RFXAP: variants seen among roughly 807,000 people sequenced by gnomAD.
RFXAP encodes regulatory factor X-associated protein.
Under a neutral mutation model 25.7 loss-of-function variants are expected in RFXAP, and 21 were observed. The ratio of observed to expected loss-of-function variants is 0.82; its 90% confidence interval spans 0.58 to 1.18. The LOEUF (loss-of-function observed/expected upper bound fraction) is 1.18, where lower values mean the gene tolerates loss of function less well. Ranked by LOEUF, RFXAP falls within the 50% of genes most tolerant of loss-of-function variation. The pLI is 0.00. For missense variants in RFXAP, 333 were observed against 363.0 expected (o/e 0.92, Z 0.67); for synonymous variants, 161 against 152.2 (o/e 1.06, Z -0.43).
At chr13:36,826,057 T>C (rs146959639) in intron 2 of RFXAP, among the ~76,000 whole-genome samples, 196 of 152,182 alleles carry the variant, frequency 1.3e-3, no homozygotes, top group African/African-American at 4.3e-3. Context: ...GCTGTAGTCC[T>C]GGCTACTCAA....
intron 2 of RFXAP, 105 bp downstream of exon 2, chr13:36,825,640 CA>C (rs1356972486): frequency 2.9e-6 from 2 of 687,058 alleles, no homozygotes; most frequent in Admixed American, 5.8e-5. Context: ...TCACACTATA[CA>C]TCAAAATAAA....
intron 1 of RFXAP, among the ~76,000 whole-genome samples, chr13:36,825,114 A>C (rs1395775625): frequency 6.6e-6 from 1 of 152,164 alleles, no homozygotes; most frequent in Non-Finnish European, 1.5e-5. Flanking sequence ...ACTCTGCCTC[A>C]ATCTTAGTGG....
Position 36,819,890 on chromosome 13 carries a change from A to G in RFXAP, c.533A>G (p.Lys178Arg). The change falls in exon 1 of 3, where the codon AAG becomes AGG. Residue 178 changes from lysine to arginine, a missense_variant. Physicochemically the swap from Lys to Arg is conservative, Grantham distance 26 (BLOSUM62 2). Transcript: ENST00000255476. ...KMYKDKYKKK[K>R]SDQALNCGGT... ...TACAAGGACAAGTATAAAAAGAAGAAGAGCGACCAGGCCCTGAACTGCGGT... is the reference window on the plus strand; with the variant it reads ...TACAAGGACAAGTATAAAAAGAAGAGGAGCGACCAGGCCCTGAACTGCGGT... 1 of 1,603,448 alleles carries G rather than the reference A, an allele frequency of 6.2e-7. No individual in the cohort carries two copies. The highest frequency in any genetic ancestry group is 8.5e-7 in the Non-Finnish European group (1 of 1,174,364).
Position 36,819,397 on chromosome 13 carries a change from G to A in RFXAP, c.40G>A (p.Ala14Thr). Reference sequence around the variant, plus strand: ...TGTAGCGGAGGGCGCGGGGCCGGGCGCCGCCAGCGGCGTGCCCCACCCCGC... The same window carrying A: ...TGTAGCGGAGGGCGCGGGGCCGGGCACCGCCAGCGGCGTGCCCCACCCCGC... ...QGVAEGAGPG[A>T]ASGVPHPAAL... The change falls in exon 1 of 3, where the codon GCC becomes ACC. Residue 14 changes from alanine to threonine, a missense_variant. Transcript: ENST00000255476. 4 of 1,301,184 alleles carry A rather than the reference G, an allele frequency of 3.1e-6. No individual in the cohort carries two copies. The highest frequency in any genetic ancestry group is 2.9e-6 in the Non-Finnish European group (3 of 1,030,700). 80.6% of individuals were successfully genotyped at this position (1,301,184 alleles called of 1,614,324 possible).
At chr13:36,820,321 CT>C (rs2057957863) in intron 1 of RFXAP, among the ~76,000 whole-genome samples, 1 of 152,136 alleles carries the variant, frequency 6.6e-6, no homozygotes. Context: ...AAAGTCATCT[CT>C]TTCTGTTTTC....
At chr13:36,826,669 T>A (rs2057978891) in intron 2 of RFXAP, among the ~76,000 whole-genome samples, 1 of 152,170 alleles carries the variant, frequency 6.6e-6, no homozygotes, top group Admixed American at 6.5e-5. Flanking sequence ...TGAAACAGCC[T>A]AAATGTCCAA....
rs1320172546 is a variant in RFXAP, at chr13:36,819,475, G to T, written c.118G>T (p.Ala40Ser). The T allele has an allele frequency of 1.3e-5, 19 of 1,518,772 alleles. No individual in the cohort carries two copies. Among genetic ancestry groups the T allele is most frequent in the Non-Finnish European group, 1.7e-5 (19 of 1,132,828 alleles). 94.1% of individuals were successfully genotyped at this position (1,518,772 alleles called of 1,614,324 possible). Residue 40 changes from alanine (A) to serine (S), a missense_variant, in exon 1 of 3, where the codon GCG (alanine) becomes TCG (serine). Ala to Ser is a moderately conservative substitution (Grantham distance 99). Coordinates refer to ENST00000255476, the MANE Select transcript of RFXAP (RefSeq NM_000538.4). ...PTLAPASVAA[A>S]ASQFTLLVMQ... ...CTTGGCGCCAGCCTCGGTGGCGGCC[G>T]CGGCCTCTCAATTCACCCTGCTAGT...
At chr13:36,821,043 A>G (rs2057960218) in intron 1 of RFXAP, among the ~76,000 whole-genome samples, 1 of 151,782 alleles carries the variant, frequency 6.6e-6, no homozygotes, top group Non-Finnish European at 1.5e-5. Flanking sequence ...GAAAAATTTA[A>G]TTTTGTTACA....
chr13:36,827,548 G>C (rs2057982088), intron 2 of RFXAP, 95 bp from the exon 3 acceptor site: 1 of 862,918 alleles, frequency 1.2e-6, no homozygotes, highest in African/African-American at 1.7e-5. Flanking sequence ...TGAACATATT[G>C]TATCATATGT....
Position 36,828,924 on chromosome 13 carries a change from T to G in RFXAP, c.*1171T>G, listed in dbSNP as rs1279046710. The G allele has an allele frequency of 1.3e-5, 2 of 152,230 alleles. No individual in the cohort carries two copies. The highest frequency in any genetic ancestry group is 4.8e-5 in the African/African-American group (2 of 41,466). 9.4% of individuals were successfully genotyped at this position (152,230 alleles called of 1,614,324 possible). A position where few individuals can be genotyped will look rare whatever the true frequency, so the allele number is the denominator to read the frequency against. On this transcript the variant is annotated 3_prime_UTR_variant, in exon 3 of 3. Coordinates refer to ENST00000255476, the MANE Select transcript of RFXAP (RefSeq NM_000538.4). ...GTCTCAAGTTTAACTCTACAAAAAT[T>G]TGTTACTTGTTTTTTAAACTCTATA...
intron 1 of RFXAP, 137 bp downstream of exon 1, chr13:36,820,094 AGAGT>A: frequency 7.8e-7 from 1 of 1,290,078 alleles, no homozygotes; most frequent in Non-Finnish European, 1.1e-6. Context: ...GTTGAGAATT[AGAGT>A]GTTTGCCCTA....
intron 1 of RFXAP, 42 bp from the exon 2 acceptor site, chr13:36,825,386 C>G (rs373333634): frequency 8.1e-6 from 11 of 1,350,258 alleles, no homozygotes; most frequent in South Asian, 1.2e-5. Flanking sequence ...TGACTTATTA[C>G]GTTAACTGTT....
At chr13:36,823,142 A>C (rs917043669) in intron 1 of RFXAP, among the ~76,000 whole-genome samples, 1 of 152,220 alleles carries the variant, frequency 6.6e-6, no homozygotes, top group African/African-American at 2.4e-5. Context: ...AGGCACAGAG[A>C]GGCTAAAGAA....
At chr13:36,822,885 TATA>T (rs555251256) in intron 1 of RFXAP, among the ~76,000 whole-genome samples, 74 of 152,324 alleles carry the variant, frequency 4.9e-4, no homozygotes, top group African/African-American at 1.7e-3. Flanking sequence ...CCAGCCAGGA[TATA>T]ATAAGAGCCA....
chr13:36,819,333 T>C lies in RFXAP; in HGVS notation c.-25T>C. ...AGCAGGTGCTAAAAGCCCGGGGTCGTGGACCCCGGCCAGGTCTTAGCAGCA... is the reference window on the plus strand; with the variant it reads ...AGCAGGTGCTAAAAGCCCGGGGTCGCGGACCCCGGCCAGGTCTTAGCAGCA... On this transcript the variant is annotated 5_prime_UTR_variant, in exon 1 of 3. Transcript: ENST00000255476. 3.2e-6 allele frequency: 4 copies of C among 1,251,418 alleles called. No homozygotes were observed. The highest frequency in any genetic ancestry group is 3.1e-5 in the East Asian group (1 of 32,032). 77.5% of individuals were successfully genotyped at this position (1,251,418 alleles called of 1,614,324 possible).
chr13:36,826,454 CATTCTCA>C (rs1372656676), intron 2 of RFXAP, among the ~76,000 whole-genome samples: 1 of 152,136 alleles, frequency 6.6e-6, no homozygotes, highest in African/African-American at 2.4e-5. Context: ...ATGAAATGGA[CATTCTCA>C]AGTAGTTAAT....
At chr13:36,821,118 G>A (rs1023805592) in intron 1 of RFXAP, among the ~76,000 whole-genome samples, 8 of 150,184 alleles carry the variant, frequency 5.3e-5, no homozygotes, top group African/African-American at 1.7e-4. Context: ...AGGGTGAAGT[G>A]GGAAGATTGC....
chr13:36,827,831 G>A lies in RFXAP; in HGVS notation c.*78G>A. ...GCATATTTTTTTACCAGACATAAAT[G>A]GGGTAATAATCTATGCCTGTAGAAC... On this transcript the variant is annotated 3_prime_UTR_variant, in exon 3 of 3. Coordinates refer to ENST00000255476, the MANE Select transcript of RFXAP (RefSeq NM_000538.4). 5 of 1,109,210 alleles carry A rather than the reference G, an allele frequency of 4.5e-6. No homozygotes were observed. Among genetic ancestry groups the A allele is most frequent in the Non-Finnish European group, 6.8e-6 (5 of 730,792 alleles). 68.7% of individuals were successfully genotyped at this position (1,109,210 alleles called of 1,614,324 possible).
chr13:36,827,933 AT>A lies in RFXAP; in HGVS notation c.*182del. 3 of 582,922 alleles carry A rather than the reference AT, an allele frequency of 5.1e-6. No homozygotes were observed. In the East Asian group the frequency reaches 8.7e-5, roughly 17 times the overall value. The allele number at this position is 582,922 out of a possible 1,614,324, so 36.1% of individuals were successfully genotyped here. On this transcript the variant is annotated 3_prime_UTR_variant, in exon 3 of 3. Transcript: ENST00000255476. ...GCACTTTGTGCATCTAATCTTTCAG[AT>A]TACTGTGAGTTTGAAGAAGTCAGCT...
Sources: allele counts gnomAD v4.1 joint callset (sites outside exome capture counted in the v4.1 genomes callset), GRCh38; gene constraint gnomAD v4.1.1; transcripts MANE v1.5; gene names NCBI Gene and HGNC (gene_info 2026-07-23, HGNC 2026-07-21).